The following DCLRE1A variants were observed in gnomAD, a reference collection of about 807,000 sequenced individuals.
The protein encoded by DCLRE1A is DNA cross-link repair 1A protein.
A neutral mutation model predicts 91.9 loss-of-function variants in DCLRE1A; 64 were observed. The observed-to-expected ratio is 0.70, with a 90% CI of 0.57 to 0.86. The LOEUF (loss-of-function observed/expected upper bound fraction) is 0.86. Among genes scored for constraint, DCLRE1A ranks in the 40% least tolerant of loss-of-function variants. The probability of loss-of-function intolerance (pLI) is 0.00; values close to 1 mark genes in which losing one functional copy is unlikely to be tolerated. For missense variants in DCLRE1A, 1,145 were observed against 1,213.3 expected (o/e 0.94, Z 0.84); for synonymous variants, 416 against 431.1 (o/e 0.96, Z 0.43).
rs1179448831 is a variant in DCLRE1A at position 113,850,523 on chromosome 10, T to C, written c.582A>G (p.Ser194=). ...ACTTAGTCTCACTGAAACTGCCACC[T>C]GACGCAGGTGATGGGCTGCTAAAAG... ...DHPFSSPSPA[S]GGSFSETKSG... is the part of the protein sequence containing the mutation. Residue 194 remains serine (S), a synonymous_variant, in exon 2 of 9, where the codon TCA becomes TCG. Transcript: ENST00000361384. 6.8e-6 allele frequency: 11 copies of C among 1,614,014 alleles called. No individual in the cohort carries two copies. Among genetic ancestry groups the C allele is most frequent in the Non-Finnish European group, 9.3e-6 (11 of 1,180,014 alleles).
At chr10:113,842,803 CCTCA>C (rs1354310216) in intron 5 of DCLRE1A, among the ~76,000 whole-genome samples, 4 of 151,978 alleles carry the variant, frequency 2.6e-5, no homozygotes, top group East Asian at 1.9e-4. Flanking sequence ...AAATTATAAA[CCTCA>C]CTGTCTTTTA....
At position 113,844,331 on chromosome 10, in the gene DCLRE1A, C is replaced by T. The variant is rs559801271; in HGVS notation, c.2379-87G>A. 61 of 1,510,676 alleles carry T rather than the reference C, an allele frequency of 4.0e-5. No homozygotes were observed. The South Asian group carries it at 7.0e-4, about 17-fold the overall frequency. The allele number at this position is 1,510,676 out of a possible 1,614,324, so 93.6% of individuals were successfully genotyped here. A position where few individuals can be genotyped will look rare whatever the true frequency, so the allele number is the denominator to read the frequency against. On this transcript the variant is annotated intron_variant, in intron 4 of 8. Coordinates refer to ENST00000361384, the MANE Select transcript of DCLRE1A (RefSeq NM_014881.5). ...ATTTCAATATCAACAAGTTAGCACG[C>T]TTTATTAGCTGACCACAATGACATA...
chr10:113,850,328 T>C lies in DCLRE1A; in HGVS notation c.777A>G (p.Leu259=), dbSNP rs144123342. The part of the protein sequence containing the change: ...STHIQTSQQA[L]QFTDFVENDK... ...CATTCTCAACAAAATCTGTAAATTG[T>C]AGAGCTTGTTGGGATGTTTGGATAT... Residue 259 remains leucine (L), a synonymous_variant, in exon 2 of 9, where the codon CTA becomes CTG. Transcript: ENST00000361384. 1 of 1,614,092 alleles carries C rather than the reference T, an allele frequency of 6.2e-7. No homozygotes were observed. Among genetic ancestry groups the C allele is most frequent in the African/African-American group, 1.3e-5 (1 of 74,934 alleles).
chr10:113,850,034 C>G lies in DCLRE1A; in HGVS notation c.1071G>C (p.Glu357Asp). The change falls in exon 2 of 9, where the codon GAG (glutamate) becomes GAC (aspartate). Residue 357 changes from glutamate (E) to aspartate (D), a missense_variant. Transcript: ENST00000361384. ...RHGPLLKDQD[E>D]SCPKVNSFLT... ...AGAAGCTGTTCACTTTGGGGCAGCT[C>G]TCATCCTGGTCCTTCAGTAAGGGAC... 1.2e-6 allele frequency: 2 copies of G among 1,614,170 alleles called. No individual in the cohort carries two copies. Among genetic ancestry groups the G allele is most frequent in the South Asian group, 2.2e-5 (2 of 91,074 alleles).
At position 113,850,145 on chromosome 10, in the gene DCLRE1A, T is replaced by C. The variant is rs1046080412; in HGVS notation, c.960A>G (p.Gln320=). 1.1e-5 allele frequency: 17 copies of C among 1,614,034 alleles called. No individual in the cohort carries two copies. The highest frequency in any genetic ancestry group is 1.4e-5 in the Non-Finnish European group (16 of 1,180,014). Residue 320 remains glutamine (Q), a synonymous_variant, in exon 2 of 9, where the codon CAA becomes CAG. Coordinates refer to ENST00000361384, the MANE Select transcript of DCLRE1A (RefSeq NM_014881.5). ...HDIDEKPDDS[Q]EQLFFTESSK... is the part of the protein sequence containing the mutation. ...AGCTTTCGGTAAAAAACAGTTGTTCTTGTGAATCATCCGGTTTTTCATCGA... is the reference window on the plus strand; with the variant it reads ...AGCTTTCGGTAAAAAACAGTTGTTCCTGTGAATCATCCGGTTTTTCATCGA...
chr10:113,840,398 C>CCATATG (rs916816241), intron 7 of DCLRE1A, among the ~76,000 whole-genome samples: 7 of 152,006 alleles, frequency 4.6e-5, no homozygotes, highest in Non-Finnish European at 8.8e-5. Context: ...TACAAGAAGG[C>CCATATG]CATATGCATC....
intron 8 of DCLRE1A, among the ~76,000 whole-genome samples, chr10:113,836,523 T>A (rs1300644258): frequency 1.3e-5 from 2 of 151,944 alleles, no homozygotes; most frequent in Non-Finnish European, 2.9e-5. Flanking sequence ...TTGTTGAAGA[T>A]CAAGTACCAC....
intron 1 of DCLRE1A, among the ~76,000 whole-genome samples, chr10:113,851,303 A>G (rs1313289533): frequency 1.3e-5 from 2 of 152,218 alleles, no homozygotes; most frequent in Non-Finnish European, 2.9e-5. Context: ...GCTAATGCCA[A>G]ATTTAAAGAA....
intron 5 of DCLRE1A, among the ~76,000 whole-genome samples, chr10:113,843,591 T>C (rs1387631010): frequency 6.6e-6 from 1 of 152,242 alleles, no homozygotes; most frequent in Non-Finnish European, 1.5e-5. Flanking sequence ...CAATTTTTAT[T>C]TACTTAATAA....
At position 113,852,953 on chromosome 10, in the gene DCLRE1A, GCAACAGAAGTCTGA is replaced by G; in HGVS notation, c.216_229del (p.Gln73PhefsTer2). On this transcript the variant is annotated frameshift_variant, in exon 1 of 9. Transcript: ENST00000361384. LOFTEE classifies it high-confidence loss of function. The stretch of plus-strand genomic sequence containing the variant: ...TCCACAACTTGAATTCTGACTAGAA[GCAACAGAAGTCTGA>G]CAACCTGCATTTCCAAGGGGCACTT... 1 of 1,614,184 alleles carries G rather than the reference GCAACAGAAGTCTGA, an allele frequency of 6.2e-7. No individual in the cohort carries two copies. The highest frequency in any genetic ancestry group is 8.5e-7 in the Non-Finnish European group (1 of 1,180,024).
intron 7 of DCLRE1A, 77 bp from the exon 8 acceptor site, chr10:113,837,280 T>C (rs2134645341): frequency 7.2e-7 from 1 of 1,384,238 alleles, no homozygotes; most frequent in East Asian, 2.4e-5. Flanking sequence ...AAAGATGTTA[T>C]ACTGGCACAG....
chr10:113,847,281 G>C lies in DCLRE1A; in HGVS notation c.2180C>G (p.Ala727Gly). 6.2e-7 allele frequency: 1 copy of C among 1,613,990 alleles called. No individual in the cohort carries two copies. The highest frequency in any genetic ancestry group is 8.5e-7 in the Non-Finnish European group (1 of 1,179,940). ...AGAATGAAAATGTGTGAGAAAATAGGCTGTGCAACCTTCAACCACGCCATA... is the reference window on the plus strand; with the variant it reads ...AGAATGAAAATGTGTGAGAAAATAGCCTGTGCAACCTTCAACCACGCCATA... ...FQYGVVEGCT[A>G]YFLTHFHSDH... The change falls in exon 3 of 9, where the codon GCC (alanine) becomes GGC (glycine). Residue 727 changes from alanine to glycine, a missense_variant. Physicochemically the swap from Ala to Gly is moderately conservative, Grantham distance 60. Coordinates refer to ENST00000361384, the MANE Select transcript of DCLRE1A (RefSeq NM_014881.5).
In DCLRE1A at chr10:113,841,488, A is replaced by G; in HGVS notation, c.2738T>C (p.Ile913Thr). The change falls in exon 7 of 9, where the codon ATA (isoleucine) becomes ACA (threonine). Residue 913 changes from isoleucine to threonine, a missense_variant. Transcript: ENST00000361384. ...EKYKTLQCLN[I>T]PEINSLITTD... ...AGTGATGAGTGAATTAATTTCTGGT[A>G]TATTGAGGCACTGTAGAGTTTTATA... is the stretch of plus-strand genomic sequence containing the variant. The G allele has an allele frequency of 1.2e-6, 2 of 1,613,716 alleles. No homozygotes were observed. Among genetic ancestry groups the G allele is most frequent in the Non-Finnish European group, 8.5e-7 (1 of 1,179,790 alleles).
intron 2 of DCLRE1A, 34 bp from the exon 3 acceptor site, chr10:113,847,369 A>G (rs1354029904): frequency 7.5e-6 from 12 of 1,609,990 alleles, no homozygotes; most frequent in Non-Finnish European, 1.0e-5. Flanking sequence ...TAGGTTGAGC[A>G]AGAGCTAAGA....
rs753997470 is a variant in DCLRE1A, at chr10:113,849,900, C to T, written c.1205G>A (p.Cys402Tyr). 5 of 1,613,818 alleles carry T rather than the reference C, an allele frequency of 3.1e-6. No homozygotes were observed. The Admixed American group carries it at 6.7e-5, about 22-fold the overall frequency. Reference sequence around the variant, plus strand: ...AAACAACACAAAATCACCACCAGTACATGCCAGATCATAAGGCAAAGTACT... The same window carrying T: ...AAACAACACAAAATCACCACCAGTATATGCCAGATCATAAGGCAAAGTACT... Reference protein sequence around the residue: ...NESTLPYDLACTGGDFVLFPP... With the variant: ...NESTLPYDLAYTGGDFVLFPP... The change falls in exon 2 of 9, where the codon TGT (cysteine) becomes TAT (tyrosine). Residue 402 changes from cysteine (C) to tyrosine (Y), a missense_variant. Physicochemically the swap from Cys to Tyr is radical, Grantham distance 194. Coordinates refer to ENST00000361384, the MANE Select transcript of DCLRE1A (RefSeq NM_014881.5).
chr10:113,838,915 T>C (rs577881543), intron 7 of DCLRE1A, among the ~76,000 whole-genome samples: 2 of 152,232 alleles, frequency 1.3e-5, no homozygotes, highest in Non-Finnish European at 2.9e-5. Context: ...TGTATTAGGA[T>C]TACCTTTTCA....
intron 8 of DCLRE1A, 41 bp from the exon 9 acceptor site, chr10:113,835,353 C>G: frequency 6.6e-7 from 1 of 1,511,614 alleles, no homozygotes; most frequent in Non-Finnish European, 8.9e-7. Context: ...TAAAATCAAA[C>G]TAATTTAAAC....
At chr10:113,835,616 G>C (rs978648592) in intron 8 of DCLRE1A, among the ~76,000 whole-genome samples, 11 of 152,108 alleles carry the variant, frequency 7.2e-5, no homozygotes, top group Non-Finnish European at 1.5e-4. Context: ...CATGGGGGCA[G>C]ATCTGCCCCT....
At chr10:113,850,821 T>C (rs1173914928) in intron 1 of DCLRE1A, among the ~76,000 whole-genome samples, 177 bp from the exon 2 acceptor site, 1 of 152,202 alleles carries the variant, frequency 6.6e-6, no homozygotes, top group African/African-American at 2.4e-5. Flanking sequence ...TTAGATTCTA[T>C]TCTAAGAATA....
Sources: allele counts gnomAD v4.1 joint callset (sites outside exome capture counted in the v4.1 genomes callset), GRCh38; gene constraint gnomAD v4.1.1; transcripts MANE v1.5; gene names NCBI Gene and HGNC (gene_info 2026-07-23, HGNC 2026-07-21).